ESR1: variants seen among roughly 807,000 people sequenced by gnomAD.
The protein encoded by ESR1 is estrogen receptor.
Under a neutral mutation model 52.7 loss-of-function variants are expected in ESR1, and 12 were observed. The observed-to-expected ratio is 0.23, with a 90% CI of 0.15 to 0.37. The LOEUF (loss-of-function observed/expected upper bound fraction) is 0.37, where lower values mean the gene tolerates loss of function less well. Ranked by LOEUF, ESR1 falls within the 10% of genes least tolerant of loss-of-function variation. ESR1 has a pLI of 1.00. For missense variants in ESR1, 584 were observed against 779.7 expected (o/e 0.75, Z 2.99); for synonymous variants, 305 against 316.8 (o/e 0.96, Z 0.39).
intron 6 of ESR1, among the ~76,000 whole-genome samples, chr6:152,081,648 A>T (rs1013005329): frequency 2.0e-5 from 3 of 151,906 alleles, no homozygotes; most frequent in African/African-American, 7.3e-5. Context: ...AAGGAGACAG[A>T]GACACAAAAA....
intron 1 of ESR1, among the ~76,000 whole-genome samples, chr6:151,698,282 C>A (rs540714367): frequency 6.6e-6 from 1 of 151,798 alleles, no homozygotes; most frequent in South Asian, 2.1e-4. Context: ...GAGAGGATGA[C>A]TTAAGCCCAG....
intron 2 of ESR1, among the ~76,000 whole-genome samples, chr6:151,716,576 T>A (rs1432611268): frequency 6.6e-6 from 1 of 152,196 alleles, no homozygotes; most frequent in African/African-American, 2.4e-5. Flanking sequence ...GCAGCTTTGC[T>A]GAGCTGCGAT....
chr6:151,985,889 G>A (rs907457661), intron 4 of ESR1, among the ~76,000 whole-genome samples: 3 of 151,864 alleles, frequency 2.0e-5, no homozygotes, highest in African/African-American at 2.4e-5. Flanking sequence ...GGCTGGTCTC[G>A]AACTCCTGAC....
At chr6:151,925,055 G>A (rs2032436603) in intron 3 of ESR1, among the ~76,000 whole-genome samples, 1 of 152,028 alleles carries the variant, frequency 6.6e-6, no homozygotes, top group Non-Finnish European at 1.5e-5. Flanking sequence ...CACAATGGGT[G>A]AACTAATTTA....
At chr6:151,817,432 G>A (rs1779841450) in intron 1 of ESR1, among the ~76,000 whole-genome samples, 2 of 152,056 alleles carry the variant, frequency 1.3e-5, no homozygotes, top group Non-Finnish European at 2.9e-5. Flanking sequence ...TTTTGCTGTT[G>A]TTCTAACCAT....
chr6:151,753,793 G>T (rs1292153208), intron 2 of ESR1, among the ~76,000 whole-genome samples: 1 of 152,196 alleles, frequency 6.6e-6, no homozygotes, highest in African/African-American at 2.4e-5. Flanking sequence ...ATGTGGAAAT[G>T]AATGGAAACA....
In ESR1 at chr6:151,842,654, C is replaced by T; in HGVS notation, c.510C>T (p.Asp170=). 1 of 1,613,840 alleles carries T rather than the reference C, an allele frequency of 6.2e-7. No homozygotes were observed. The highest frequency in any genetic ancestry group is 1.1e-5 in the South Asian group (1 of 91,066). Residue 170 remains aspartate (D), a synonymous_variant, in exon 2 of 8, where the codon GAC becomes GAT. Transcript: ENST00000206249. ...GGRERLASTN[D]KGSMAMESAK... ...GAGAAAGATTGGCCAGTACCAATGA[C>T]AAGGGAAGTATGGCTATGGAATCTG... is the stretch of plus-strand genomic sequence containing the variant.
At chr6:151,826,919 A>G (rs1391738819) in intron 1 of ESR1, among the ~76,000 whole-genome samples, 5 of 152,202 alleles carry the variant, frequency 3.3e-5, no homozygotes, top group Non-Finnish European at 7.3e-5. Flanking sequence ...GTACCATGAG[A>G]TATCCTGGTG....
In ESR1 at chr6:152,098,984, C is replaced by T. The variant is rs1325309865; in HGVS notation, c.*18C>T. The T allele has an allele frequency of 6.3e-7, 1 of 1,598,518 alleles. No homozygotes were observed. The highest frequency in any genetic ancestry group is 1.7e-5 in the Admixed American group (1 of 59,906). ...CGGTCTGAGAGCTCCCTGGCTCCCACACGGTTCAGATAATCCCTGCTGCAT... is the reference window on the plus strand; with the variant it reads ...CGGTCTGAGAGCTCCCTGGCTCCCATACGGTTCAGATAATCCCTGCTGCAT... On this transcript the variant is annotated 3_prime_UTR_variant, in exon 8 of 8. Coordinates refer to ENST00000206249, the MANE Select transcript of ESR1 (RefSeq NM_000125.4). This position sits in a 1 kb window ranked among gnomAD's most constrained non-coding sequence, Gnocchi z 5.1.
intron 2 of ESR1, among the ~76,000 whole-genome samples, chr6:151,847,566 C>T (rs914350210): frequency 4.2e-5 from 6 of 141,304 alleles, no homozygotes; most frequent in East Asian, 2.0e-4. Flanking sequence ...TCATGTCCTT[C>T]GCCCACTTTT....
intron 2 of ESR1, among the ~76,000 whole-genome samples, chr6:151,722,519 C>T (rs922765658): frequency 6.6e-6 from 1 of 152,102 alleles, no homozygotes; most frequent in African/African-American, 2.4e-5. Flanking sequence ...GTGCTGTTGG[C>T]GTGAAAGAGG....
intron 2 of ESR1, among the ~76,000 whole-genome samples, chr6:151,707,261 A>ACT: frequency 6.6e-6 from 1 of 152,334 alleles, no homozygotes; most frequent in East Asian, 1.9e-4. Context: ...CATAAAAATC[A>ACT]CTTATTCTCA....
chr6:151,890,561 T>C (rs185882109), intron 3 of ESR1, among the ~76,000 whole-genome samples: 1 of 152,368 alleles, frequency 6.6e-6, no homozygotes, highest in East Asian at 1.9e-4. Flanking sequence ...CCGAATAATC[T>C]GTCCATTGCT....
At chr6:151,858,721 T>C (rs1035699775) in intron 2 of ESR1, among the ~76,000 whole-genome samples, 5 of 152,124 alleles carry the variant, frequency 3.3e-5, no homozygotes, top group African/African-American at 1.2e-4. Context: ...TGCAATCTTG[T>C]TTAGGACTCC....
At chr6:151,934,569 A>C (rs1253458903) in intron 3 of ESR1, among the ~76,000 whole-genome samples, 1 of 152,206 alleles carries the variant, frequency 6.6e-6, no homozygotes, top group Non-Finnish European at 1.5e-5. Context: ...TAGTACCTTT[A>C]AAAAATCATG....
intron 3 of ESR1, among the ~76,000 whole-genome samples, chr6:151,896,654 A>G (rs1795551958): frequency 6.6e-6 from 1 of 151,036 alleles, no homozygotes; most frequent in African/African-American, 2.4e-5. Context: ...TGTTTCATTT[A>G]TCTTTTGTAT....
chr6:151,831,286 G>A (rs114515909), intron 1 of ESR1, among the ~76,000 whole-genome samples: 3,818 of 151,904 alleles, frequency 0.025, 146 homozygotes, highest in African/African-American at 0.086. Context: ...AGAATTATAG[G>A]TGCACACCAG....
intron 5 of ESR1, among the ~76,000 whole-genome samples, chr6:152,017,276 C>A (rs2043237642): frequency 6.6e-6 from 1 of 152,170 alleles, no homozygotes; most frequent in South Asian, 2.1e-4. Context: ...TAGTTTATAA[C>A]TTTCCTAGTA....
chr6:151,833,953 A>G (rs901981550), intron 1 of ESR1, among the ~76,000 whole-genome samples: 1 of 152,160 alleles, frequency 6.6e-6, no homozygotes, highest in African/African-American at 2.4e-5. Context: ...AAAAAATCTC[A>G]TCATCACTGG....
Sources: allele counts gnomAD v4.1 joint callset (sites outside exome capture counted in the v4.1 genomes callset), GRCh38; gene constraint gnomAD v4.1.1; non-coding constraint Gnocchi (gnomAD v3.1); transcripts MANE v1.5; gene names NCBI Gene and HGNC (gene_info 2026-07-23, HGNC 2026-07-21).